Variants in DLGAP1 observed in about 807,000 individuals in gnomAD.
DLGAP1 encodes the protein disks large-associated protein 1.
Under a neutral mutation model 90.8 loss-of-function variants are expected in DLGAP1, and 11 were observed. That is an observed-to-expected ratio of 0.12 (90% CI 0.08 to 0.20). The LOEUF (loss-of-function observed/expected upper bound fraction) is 0.20, where lower values mean the gene tolerates loss of function less well. Ranked by LOEUF, DLGAP1 falls within the 10% of genes least tolerant of loss-of-function variation. The pLI is 1.00. For missense variants in DLGAP1, 1,050 were observed against 1,333.8 expected, an observed-to-expected ratio of 0.79 and a Z score of 3.31; for synonymous variants, 558 against 540.7, an observed-to-expected ratio of 1.03 and a Z score of -0.44.
chr18:4,261,996 T>C (rs758550061), intron 1 of DLGAP1, among the ~76,000 whole-genome samples: 2 of 152,194 alleles, frequency 1.3e-5, no homozygotes, highest in Non-Finnish European at 2.9e-5. Flanking sequence ...CAAGGAGTAC[T>C]ATATAAAAAT....
At chr18:3,536,374 C>T (rs1325508452) in intron 9 of DLGAP1, among the ~76,000 whole-genome samples, 3 of 151,938 alleles carry the variant, frequency 2.0e-5, no homozygotes, top group Non-Finnish European at 4.4e-5. Flanking sequence ...CAGGCATGCA[C>T]CACCATGCCC....
At chr18:4,012,545 G>A (rs1490219663) in intron 2 of DLGAP1, among the ~76,000 whole-genome samples, 1 of 152,208 alleles carries the variant, frequency 6.6e-6, no homozygotes, top group Non-Finnish European at 1.5e-5. Context: ...GCTACAGAGG[G>A]GGCCTGGGAA....
intron 1 of DLGAP1, among the ~76,000 whole-genome samples, chr18:4,197,153 C>A (rs1287667512): frequency 7.9e-5 from 9 of 114,630 alleles, no homozygotes; most frequent in Non-Finnish European, 1.2e-4. Context: ...AGCCTGGGGA[C>A]AGGAGCGAAA....
intron 9 of DLGAP1, among the ~76,000 whole-genome samples, chr18:3,541,066 G>A (rs1057475731): frequency 5.9e-5 from 9 of 152,282 alleles, no homozygotes; most frequent in Admixed American, 5.2e-4. Flanking sequence ...CAACTGGAAG[G>A]TTAGGTCACT....
At chr18:3,577,975 A>C (rs1012449298) in intron 8 of DLGAP1, among the ~76,000 whole-genome samples, 1 of 152,238 alleles carries the variant, frequency 6.6e-6, no homozygotes, top group Non-Finnish European at 1.5e-5. Flanking sequence ...TATTAATCAT[A>C]ACAACTAAAT....
At chr18:4,300,801 T>C (rs989959475) in intron 1 of DLGAP1, among the ~76,000 whole-genome samples, 2 of 152,202 alleles carry the variant, frequency 1.3e-5, no homozygotes, top group Non-Finnish European at 2.9e-5. Context: ...ATTTGTTATA[T>C]ACTCTTGCAC....
intron 2 of DLGAP1, among the ~76,000 whole-genome samples, chr18:4,096,629 T>C (rs2075684610): frequency 6.6e-6 from 1 of 152,172 alleles, no homozygotes; most frequent in South Asian, 2.1e-4. Flanking sequence ...CCCAGTTCTT[T>C]AGGATGCTGC....
intron 3 of DLGAP1, among the ~76,000 whole-genome samples, chr18:3,981,099 A>G (rs2073718233): frequency 6.6e-6 from 1 of 152,228 alleles, no homozygotes; most frequent in Non-Finnish European, 1.5e-5. Flanking sequence ...TCAAAATGCG[A>G]GAGAATTTAA....
intron 7 of DLGAP1, among the ~76,000 whole-genome samples, chr18:3,726,429 G>A (rs1208985639): frequency 6.7e-6 from 1 of 150,338 alleles, no homozygotes; most frequent in African/African-American, 2.5e-5. Context: ...AAAAGAGAAG[G>A]AAATGCGTGT....
intron 1 of DLGAP1, among the ~76,000 whole-genome samples, chr18:4,156,206 G>A (rs2076753313): frequency 6.6e-6 from 1 of 152,204 alleles, no homozygotes; most frequent in African/African-American, 2.4e-5. Flanking sequence ...AATTATCAGT[G>A]CCAACTGGAC....
intron 5 of DLGAP1, among the ~76,000 whole-genome samples, chr18:3,803,074 G>A (rs1482928873): frequency 1.3e-5 from 2 of 152,102 alleles, no homozygotes; most frequent in East Asian, 1.9e-4. Flanking sequence ...CTCGTAGAGC[G>A]TGTCGATTTC....
intron 5 of DLGAP1, among the ~76,000 whole-genome samples, chr18:3,795,844 C>G (rs2065964151): frequency 6.6e-6 from 1 of 152,010 alleles, no homozygotes; most frequent in African/African-American, 2.4e-5. Context: ...CACAAAGGTT[C>G]TCCTCATATA....
intron 2 of DLGAP1, among the ~76,000 whole-genome samples, chr18:4,104,898 T>G (rs770372119): frequency 1.4e-4 from 21 of 152,342 alleles, no homozygotes; most frequent in Middle Eastern, 3.4e-3. Context: ...TTGTCTGATC[T>G]TCCTGTATTC....
chr18:3,855,531 G>T (rs2069586605), intron 4 of DLGAP1, among the ~76,000 whole-genome samples: 1 of 152,108 alleles, frequency 6.6e-6, no homozygotes, highest in South Asian at 2.1e-4. Flanking sequence ...TTGAAGGAAT[G>T]CCATGTGGAG....
intron 3 of DLGAP1, among the ~76,000 whole-genome samples, chr18:3,881,120 CTTTTCTTTTTCT>C (rs897887056): frequency 5.3e-5 from 7 of 132,882 alleles, no homozygotes; most frequent in African/African-American, 2.0e-4. Context: ...TTTTCTTTTT[CTTTTCTTTTTCT>C]TTTTTTTGTG....
intron 7 of DLGAP1, among the ~76,000 whole-genome samples, chr18:3,657,119 G>A (rs1225135450): frequency 6.6e-6 from 1 of 152,140 alleles, no homozygotes; most frequent in African/African-American, 2.4e-5. Context: ...GATTTAAAGA[G>A]CACTTTTTAT....
At chr18:3,812,307 T>A (rs2066883783) in intron 5 of DLGAP1, among the ~76,000 whole-genome samples, 1 of 152,166 alleles carries the variant, frequency 6.6e-6, no homozygotes, top group Admixed American at 6.5e-5. Context: ...CTAATTTAAT[T>A]TTCTGAGCTT....
chr18:3,894,620 G>A (rs2071567745), intron 3 of DLGAP1: 1 of 152,102 alleles, frequency 6.6e-6, no homozygotes, highest in African/African-American at 2.4e-5. Context: ...GTAATATGAT[G>A]CCTGTAGCTT....
chr18:4,110,995 T>G (rs1375952087), intron 2 of DLGAP1, among the ~76,000 whole-genome samples: 2 of 152,100 alleles, frequency 1.3e-5, no homozygotes, highest in Non-Finnish European at 2.9e-5. Flanking sequence ...CAAATGAAGC[T>G]CTCTTCATTT....
Sources: allele counts gnomAD v4.1 joint callset (sites outside exome capture counted in the v4.1 genomes callset), GRCh38; gene constraint gnomAD v4.1.1; transcripts MANE v1.5; gene names NCBI Gene and HGNC (gene_info 2026-07-23, HGNC 2026-07-21).